NMU: variants seen among roughly 807,000 people sequenced by gnomAD.
The protein encoded by NMU is neuromedin-U.
In NMU, 29 loss-of-function variants were observed where a neutral mutation model predicts 35.4. The observed-to-expected ratio is 0.82, with a 90% CI of 0.61 to 1.12. NMU has a LOEUF of 1.12. Among genes scored for constraint, NMU ranks in the 50% most tolerant of loss-of-function variants. The probability of loss-of-function intolerance (pLI) is 0.00; values close to 1 mark genes in which losing one functional copy is unlikely to be tolerated. For synonymous variants in NMU, 78 were observed against 81.3 expected (o/e 0.96, Z 0.22); for missense variants, 199 against 206.2 (o/e 0.97, Z 0.21).
At chr4:55,634,846 T>C (rs1715809878) in intron 1 of NMU, among the ~76,000 whole-genome samples, 1 of 152,160 alleles carries the variant, frequency 6.6e-6, no homozygotes, top group South Asian at 2.1e-4. Flanking sequence ...CCAAGTTATC[T>C]TGCTTTTCAA....
chr4:55,596,438 T>C (rs1015769053), intron 9 of NMU, among the ~76,000 whole-genome samples: 5 of 151,804 alleles, frequency 3.3e-5, no homozygotes, highest in African/African-American at 1.2e-4. Flanking sequence ...CTAATACTTA[T>C]TTCAATGTTA....
At chr4:55,608,828 G>A (rs1055668070) in intron 4 of NMU, among the ~76,000 whole-genome samples, 4 of 151,380 alleles carry the variant, frequency 2.6e-5, no homozygotes, top group Admixed American at 6.6e-5. Flanking sequence ...GCATGAGTCA[G>A]GGCAAAAAAA....
chr4:55,603,523 T>C (rs919554397), intron 7 of NMU, among the ~76,000 whole-genome samples: 1 of 152,140 alleles, frequency 6.6e-6, no homozygotes, highest in East Asian at 1.9e-4. Context: ...GAAATAATAC[T>C]TGTATAAGTA....
At chr4:55,619,824 T>C (rs1177749100) in intron 2 of NMU, among the ~76,000 whole-genome samples, 10 of 143,858 alleles carry the variant, frequency 7.0e-5, no homozygotes, top group Middle Eastern at 3.5e-3. Flanking sequence ...ATCTGAGAAC[T>C]GGCAGACTGC....
intron 2 of NMU, among the ~76,000 whole-genome samples, chr4:55,618,529 G>C (rs1296846777): frequency 1.3e-5 from 2 of 152,096 alleles, no homozygotes; most frequent in African/African-American, 4.8e-5. Flanking sequence ...TCTTCAAGCA[G>C]AAAAATTAAC....
chr4:55,606,223 C>G (rs1366822777), intron 6 of NMU, among the ~76,000 whole-genome samples: 2 of 152,196 alleles, frequency 1.3e-5, no homozygotes, highest in Non-Finnish European at 2.9e-5. Context: ...ACACTATGCT[C>G]CTCATTCCCT....
intron 8 of NMU, 111 bp downstream of exon 8, chr4:55,600,411 A>G: frequency 1.3e-6 from 1 of 747,438 alleles, no homozygotes; most frequent in Non-Finnish European, 2.3e-6. Flanking sequence ...ACCTGATGCC[A>G]AACATCTATA....
chr4:55,629,037 C>A (rs781407434), intron 2 of NMU, among the ~76,000 whole-genome samples: 88 of 151,824 alleles, frequency 5.8e-4, no homozygotes, highest in Non-Finnish European at 1.2e-3. Flanking sequence ...TTCTTTTTAG[C>A]CCAGGGTTAT....
In NMU at chr4:55,609,642, G is replaced by A. The variant is rs564655645; in HGVS notation, c.220-463C>T. Among the ~76,000 whole-genome samples the A allele has an allele frequency of 1.5e-4, 23 of 152,334 alleles. No homozygotes were observed. In the South Asian group the frequency reaches 4.8e-3, roughly 32 times the overall value. ...TGCAATTGCTCAAAAACAATGGGAA[G>A]TGGAGGAGAAGAACCCATGCGTGGT... is the stretch of plus-strand genomic sequence containing the variant. On this transcript the variant is annotated intron_variant, in intron 3 of 9. Transcript: ENST00000264218.
chr4:55,596,959 G>A (rs1733207880), intron 9 of NMU, among the ~76,000 whole-genome samples: 1 of 152,122 alleles, frequency 6.6e-6, no homozygotes, highest in Non-Finnish European at 1.5e-5. Flanking sequence ...ATCAGAAATT[G>A]ATGTGAAATT....
intron 3 of NMU, among the ~76,000 whole-genome samples, chr4:55,610,847 A>G (rs1485196586): frequency 6.6e-6 from 1 of 152,198 alleles, no homozygotes; most frequent in East Asian, 1.9e-4. Context: ...AACTCCTATC[A>G]TCTAGTCACA....
At chr4:55,632,449 A>T (rs554371588) in intron 1 of NMU, among the ~76,000 whole-genome samples, 1 of 152,184 alleles carries the variant, frequency 6.6e-6, no homozygotes, top group African/African-American at 2.4e-5. Context: ...GCAGTCCATA[A>T]AAGAGTTGGT....
At chr4:55,633,519 C>T (rs1560528838) in intron 1 of NMU, among the ~76,000 whole-genome samples, 1 of 152,058 alleles carries the variant, frequency 6.6e-6, no homozygotes, top group Non-Finnish European at 1.5e-5. Flanking sequence ...GAGACAGTGC[C>T]TGTATCATAA....
intron 2 of NMU, among the ~76,000 whole-genome samples, chr4:55,630,116 A>C (rs1009527683): frequency 1.3e-5 from 2 of 152,076 alleles, no homozygotes; most frequent in African/African-American, 4.8e-5. Flanking sequence ...AAAAAAATCC[A>C]ATCTTAGAAT....
chr4:55,635,582 T>G (rs535052952), intron 1 of NMU, among the ~76,000 whole-genome samples: 27 of 152,350 alleles, frequency 1.8e-4, no homozygotes, highest in African/African-American at 6.3e-4. Flanking sequence ...CAGGTTTATC[T>G]CAGCATAACA....
At chr4:55,607,400 T>C in intron 5 of NMU, 37 bp downstream of exon 5, 3 of 1,284,942 alleles carry the variant, frequency 2.3e-6, no homozygotes, top group Non-Finnish European at 3.4e-6. Flanking sequence ...GTTCCCTTAT[T>C]ATTTTATAAG....
chr4:55,599,146 T>C lies in NMU; in HGVS notation c.525A>G (p.Ter175=). The change falls in exon 9 of 10, where the codon TAA becomes TAG. Residue 175 remains the stop codon, a stop_retained_variant. Coordinates refer to ENST00000264218, the MANE Select transcript of NMU (RefSeq NM_006681.4). ...RNGRRSAGFI[*] is the part of the protein sequence containing the mutation. ...GTTTATTTATTTCTCACATACCATT[T>C]TAAATGAACCCTGCTGACCTTCTTC... 1 of 1,600,026 alleles carries C rather than the reference T, an allele frequency of 6.2e-7. No individual in the cohort carries two copies. The highest frequency in any genetic ancestry group is 8.6e-7 in the Non-Finnish European group (1 of 1,167,528).
intron 3 of NMU, 87 bp downstream of exon 3, chr4:55,616,251 C>T: frequency 3.4e-6 from 3 of 893,592 alleles, no homozygotes; most frequent in Admixed American, 1.7e-5. Flanking sequence ...TTTTCACGAA[C>T]ACATAAAGGT....
chr4:55,633,217 C>A (rs56710169), intron 1 of NMU, among the ~76,000 whole-genome samples: 20,299 of 151,272 alleles, frequency 0.13, 1,412 homozygotes, highest in East Asian at 0.24. Context: ...CCCAGCTATT[C>A]GGGAGGCTGA....
Sources: allele counts gnomAD v4.1 joint callset (sites outside exome capture counted in the v4.1 genomes callset), GRCh38; gene constraint gnomAD v4.1.1; transcripts MANE v1.5; gene names NCBI Gene and HGNC (gene_info 2026-07-23, HGNC 2026-07-21).